The following FGF13 variants were observed in gnomAD, a reference collection of about 807,000 sequenced individuals.
The protein encoded by FGF13 is fibroblast growth factor homologous factor 2.
FGF13 carries 2 observed loss-of-function variants against 19.5 expected under a neutral mutation model. The observed-to-expected ratio is 0.10, with a 90% confidence interval of 0.04 to 0.32. The LOEUF (loss-of-function observed/expected upper bound fraction) is 0.32. Among genes scored for constraint, FGF13 ranks in the 10% least tolerant of loss-of-function variants. The probability of loss-of-function intolerance (pLI) is 1.00; values close to 1 mark genes in which losing one functional copy is unlikely to be tolerated. For missense variants in FGF13, 113 were observed against 192.7 expected (o/e 0.59, Z 2.45); for synonymous variants, 72 against 76.9 (o/e 0.94, Z 0.33).
chrX:139,176,834 G>A (rs2084190237), intron 1 of FGF13, among the ~76,000 whole-genome samples: 1 of 111,408 alleles, frequency 9.0e-6, no homozygotes, highest in South Asian at 3.8e-4. Context: ...TTCCAATTAT[G>A]TGATCGATTT....
At chrX:139,035,319 T>C (rs2092247082) in intron 1 of FGF13, among the ~76,000 whole-genome samples, 1 of 111,166 alleles carries the variant, frequency 9.0e-6, no homozygotes. Flanking sequence ...TATTTTGTTA[T>C]AATAGTGATC....
intron 1 of FGF13, among the ~76,000 whole-genome samples, chrX:138,978,299 G>C (rs2091948699): frequency 1.3e-5 from 1 of 77,062 alleles, no homozygotes; most frequent in African/African-American, 5.8e-5. Context: ...GTCTCGCTCT[G>C]TCGCCCAGGC....
At chrX:138,701,230 T>C (rs1354061835) in intron 3 of FGF13, among the ~76,000 whole-genome samples, 1 of 112,430 alleles carries the variant, frequency 8.9e-6, no homozygotes, top group Non-Finnish European at 1.9e-5. Context: ...ATCTGGCATG[T>C]GCTTTCTCAA....
chrX:139,023,670 G>C (rs913946026), intron 1 of FGF13, among the ~76,000 whole-genome samples: 5 of 111,578 alleles, frequency 4.5e-5, no homozygotes, highest in African/African-American at 1.6e-4. Flanking sequence ...GATTGGTTAA[G>C]TATATACAGT....
chrX:138,666,972 G>T, intron 3 of FGF13, among the ~76,000 whole-genome samples: 1 of 108,951 alleles, frequency 9.2e-6, no homozygotes, highest in South Asian at 3.8e-4. Context: ...AATATATAGA[G>T]GAATAGTCAT....
In FGF13 at chrX:138,626,013, C is replaced by T. The variant is rs1040004149; in HGVS notation, c.*6837G>A. 9.0e-6 allele frequency: 1 copy of T among 111,324 alleles called. No homozygotes were observed. Among genetic ancestry groups the T allele is most frequent in the South Asian group, 3.8e-4 (1 of 2,650 alleles). 9.2% of individuals were successfully genotyped at this position (111,324 alleles called of 1,213,427 possible). ...GGGCAATCTTCTATAGCCTAATAGG[C>T]AAGGTTGTGAATCATACTTTGCTCA... On this transcript the variant is annotated 3_prime_UTR_variant, in exon 5 of 5. Coordinates refer to ENST00000315930, the MANE Select transcript of FGF13 (RefSeq NM_004114.5).
chrX:138,998,503 G>T (rs758401842), intron 1 of FGF13, among the ~76,000 whole-genome samples: 432 of 35,047 alleles, frequency 0.012, 1 homozygote, highest in African/African-American at 0.03. Flanking sequence ...CAAGCAAATG[G>T]AAAGAAAAAA....
At chrX:138,939,823 T>C (rs1290638122) in intron 1 of FGF13, among the ~76,000 whole-genome samples, 1 of 112,237 alleles carries the variant, frequency 8.9e-6, no homozygotes, top group East Asian at 2.8e-4. Context: ...CTACCACTGA[T>C]GGGCATTTAG....
At chrX:138,995,919 G>A (rs1312868018) in intron 1 of FGF13, among the ~76,000 whole-genome samples, 1 of 111,809 alleles carries the variant, frequency 8.9e-6, no homozygotes, top group Admixed American at 9.5e-5. Context: ...ATTTACACTT[G>A]GAGGGAGTAT....
chrX:138,899,964 G>A (rs1169069326), intron 1 of FGF13, among the ~76,000 whole-genome samples: 1 of 111,123 alleles, frequency 9.0e-6, no homozygotes, highest in Non-Finnish European at 1.9e-5. Context: ...GTCTATGCGT[G>A]TGAGTATATG....
intron 1 of FGF13, among the ~76,000 whole-genome samples, chrX:138,876,955 G>A (rs772693406): frequency 6.3e-5 from 7 of 111,959 alleles, no homozygotes; most frequent in Non-Finnish European, 1.1e-4. Flanking sequence ...ATAAAGTGTC[G>A]GTACTATTTC....
intron 1 of FGF13, among the ~76,000 whole-genome samples, chrX:138,980,144 G>T (rs1016021646): frequency 4.5e-5 from 5 of 111,181 alleles, no homozygotes; most frequent in Non-Finnish European, 9.4e-5. Flanking sequence ...TTTTCAAAAT[G>T]TTTTTTTTCC....
intron 1 of FGF13, among the ~76,000 whole-genome samples, chrX:138,879,665 C>A (rs1038323454): frequency 2.0e-4 from 22 of 110,580 alleles, no homozygotes; most frequent in Non-Finnish European, 3.6e-4. Flanking sequence ...CCTAGCCCCC[C>A]ACCCCCTGAC....
chrX:139,158,506 T>C (rs991759810), intron 1 of FGF13, among the ~76,000 whole-genome samples: 6 of 111,169 alleles, frequency 5.4e-5, no homozygotes, highest in Admixed American at 9.6e-5. Context: ...AAGTTCAAAC[T>C]GGGCGGAGCC....
chrX:138,800,725 T>C (rs1602875426), intron 3 of FGF13, among the ~76,000 whole-genome samples: 1 of 111,960 alleles, frequency 8.9e-6, no homozygotes, highest in African/African-American at 3.2e-5. Flanking sequence ...CAATCGTACG[T>C]TTGGTCTTTT....
chrX:138,994,833 T>C (rs1008700425), intron 1 of FGF13, among the ~76,000 whole-genome samples: 1 of 111,106 alleles, frequency 9.0e-6, no homozygotes, highest in Non-Finnish European at 1.9e-5. Context: ...ATCTACACTT[T>C]TGAGAGCATT....
At position 138,632,093 on chromosome X, in the gene FGF13, C is replaced by T. The variant is rs1216956071; in HGVS notation, c.*757G>A. The stretch of plus-strand genomic sequence containing the variant: ...CTTGAGGATAATTTTTTGAAGTTCT[C>T]TTTACTGACTGGGGTTGACAATACA... On this transcript the variant is annotated 3_prime_UTR_variant, in exon 5 of 5. Transcript: ENST00000315930. 9.1e-6 allele frequency: 1 copy of T among 110,215 alleles called. No individual in the cohort carries two copies. The highest frequency in any genetic ancestry group is 1.9e-5 in the Non-Finnish European group (1 of 52,717). 9.1% of individuals were successfully genotyped at this position (110,215 alleles called of 1,213,427 possible).
chrX:138,820,462 G>A (rs2090991989), intron 3 of FGF13, among the ~76,000 whole-genome samples: 1 of 111,952 alleles, frequency 8.9e-6, no homozygotes, highest in Admixed American at 9.5e-5. Flanking sequence ...TGGGTTTGGG[G>A]TCATTAAGTT....
chrX:138,903,542 G>A (rs183156736), intron 1 of FGF13, among the ~76,000 whole-genome samples: 183 of 111,541 alleles, frequency 1.6e-3, no homozygotes, highest in Non-Finnish European at 2.9e-3. Context: ...ACCCCAACAA[G>A]TAGATTAAAC....
Sources: gnomAD v4.1 joint callset for allele counts (sites outside exome capture counted in the v4.1 genomes callset) on GRCh38, gnomAD v4.1.1 for gene constraint, MANE v1.5 for transcripts, NCBI Gene and HGNC (gene_info 2026-07-23, HGNC 2026-07-21) for gene names.